Variants in CHN2 observed in about 807,000 individuals in gnomAD.
CHN2 encodes chimerin 2.
A neutral mutation model predicts 56.3 loss-of-function variants in CHN2; 35 were observed. The ratio of observed to expected loss-of-function variants is 0.62; its 90% confidence interval spans 0.47 to 0.82. CHN2 has a LOEUF of 0.82. Ranked by LOEUF, CHN2 falls within the 40% of genes least tolerant of loss-of-function variation. The pLI, the probability that CHN2 is intolerant of heterozygous loss-of-function variation, is 0.00. For synonymous variants in CHN2, 210 were observed against 212.8 expected, an observed-to-expected ratio of 0.99 and a Z score of 0.12; for missense variants, 491 against 580.5, an observed-to-expected ratio of 0.85 and a Z score of 1.58.
intron 1 of CHN2, among the ~76,000 whole-genome samples, chr7:29,330,256 C>T (rs578192826): frequency 3.9e-5 from 6 of 152,252 alleles, no homozygotes; most frequent in African/African-American, 1.4e-4. Context: ...CCTCATTCAA[C>T]ATAGTGGTTC....
In CHN2 at chr7:29,407,611, G is replaced by C. The variant is rs540405288; in HGVS notation, c.576+6783G>C. On this transcript the variant is annotated intron_variant, in intron 6 of 12. Transcript: ENST00000222792. ...AGGATTCAAGGGTAAATGAAGATGAGCATAACTTAGCTATTATAGTAGGTG... is the reference window on the plus strand; with the variant it reads ...AGGATTCAAGGGTAAATGAAGATGACCATAACTTAGCTATTATAGTAGGTG... 5.3e-4 allele frequency among the ~76,000 whole-genome samples: 81 copies of C among 152,256 alleles called. 1 individual carries two copies. The highest frequency in any genetic ancestry group is 2.8e-4 in the Non-Finnish European group (19 of 68,028).
chr7:29,263,987 C>T (rs1447421902), intron 1 of CHN2, among the ~76,000 whole-genome samples: 1 of 118,406 alleles, frequency 8.4e-6, no homozygotes, highest in African/African-American at 4.4e-5. Flanking sequence ...GCAGCCCCCG[C>T]CCAGCCAGCC....
At chr7:29,477,111 C>T (rs1187495603) in intron 6 of CHN2, among the ~76,000 whole-genome samples, 2 of 152,082 alleles carry the variant, frequency 1.3e-5, no homozygotes, top group African/African-American at 2.4e-5. Context: ...GAGAAGTTTT[C>T]GCCAAGAGAT....
In CHN2 at chr7:29,240,012, A is replaced by G. The variant is rs573466714; in HGVS notation, c.49+45022A>G. On this transcript the variant is annotated intron_variant, in intron 1 of 12. Coordinates refer to ENST00000222792, the MANE Select transcript of CHN2 (RefSeq NM_004067.4). ...ATTTTTTCAAGACCCTGTGAGCCAA[A>G]CAAAATATATCTGGGGCCAGATCCA... Among the ~76,000 whole-genome samples the G allele has an allele frequency of 9.3e-4, 142 of 152,328 alleles. 1 individual carries two copies. Among genetic ancestry groups the G allele is most frequent in the African/African-American group, 3.3e-3 (139 of 41,570 alleles).
chr7:29,273,267 T>C (rs1346695812), intron 1 of CHN2, among the ~76,000 whole-genome samples: 1 of 148,548 alleles, frequency 6.7e-6, no homozygotes, highest in Non-Finnish European at 1.5e-5. Flanking sequence ...TCTTGGTCCA[T>C]CCATGATGTG....
At chr7:29,181,402 A>G (rs1344227204) in intron 2 of CHN2, 1 of 152,254 alleles carries the variant, frequency 6.6e-6, no homozygotes, top group Non-Finnish European at 1.5e-5. Context: ...TTCAACTTAC[A>G]GCAATCAAGC....
At chr7:29,484,224 G>A (rs903821109) in intron 7 of CHN2, among the ~76,000 whole-genome samples, 11 of 152,022 alleles carry the variant, frequency 7.2e-5, no homozygotes, top group African/African-American at 1.4e-4. Context: ...TATACCCCTC[G>A]TTTGTTTAAA....
intron 1 of CHN2, among the ~76,000 whole-genome samples, chr7:29,323,070 C>T (rs1345222437): frequency 1.3e-5 from 2 of 152,134 alleles, no homozygotes; most frequent in Non-Finnish European, 2.9e-5. Context: ...AGGAGAAATG[C>T]TTGAAACTGG....
At chr7:29,149,442 C>T (rs1016879540) in intron 2 of CHN2, among the ~76,000 whole-genome samples, 6 of 152,052 alleles carry the variant, frequency 3.9e-5, no homozygotes, top group African/African-American at 1.4e-4. Context: ...TATCCACCTG[C>T]CTTGGCCTCC....
chr7:29,300,904 C>A (rs970839762), intron 1 of CHN2, among the ~76,000 whole-genome samples: 1 of 152,102 alleles, frequency 6.6e-6, no homozygotes, highest in African/African-American at 2.4e-5. Flanking sequence ...CTACATGTTA[C>A]CATGTGCAAT....
intron 7 of CHN2, 80 bp from the exon 8 acceptor site, chr7:29,495,872 A>G: frequency 8.5e-7 from 1 of 1,172,712 alleles, no homozygotes; most frequent in Non-Finnish European, 1.3e-6. Flanking sequence ...GCTCCTGCTG[A>G]TCTTCATTGA....
chr7:29,467,993 C>A (rs1275133419), intron 6 of CHN2, among the ~76,000 whole-genome samples: 2 of 152,016 alleles, frequency 1.3e-5, no homozygotes, highest in Admixed American at 6.6e-5. Context: ...AAAAGAATAT[C>A]ATGTCTTTGC....
At chr7:29,332,002 ACT>A (rs777782563) in intron 1 of CHN2, among the ~76,000 whole-genome samples, 11 of 131,128 alleles carry the variant, frequency 8.4e-5, no homozygotes, top group Non-Finnish European at 1.6e-4. Flanking sequence ...ACAGAGCGAG[ACT>A]CTGTCTCAAA....
intron 6 of CHN2, among the ~76,000 whole-genome samples, chr7:29,445,623 C>T (rs1189210891): frequency 1.3e-5 from 2 of 151,988 alleles, no homozygotes; most frequent in Non-Finnish European, 2.9e-5. Flanking sequence ...AGATGTTTAA[C>T]CCATTATTGT....
chr7:29,246,202 G>A (rs1252986575), intron 1 of CHN2, among the ~76,000 whole-genome samples: 5 of 152,168 alleles, frequency 3.3e-5, no homozygotes, highest in Non-Finnish European at 5.9e-5. Context: ...ACATCAACCT[G>A]TAGGATTTAT....
At chr7:29,240,035 C>A (rs1487230386) in intron 1 of CHN2, among the ~76,000 whole-genome samples, 2 of 152,230 alleles carry the variant, frequency 1.3e-5, no homozygotes, top group African/African-American at 4.8e-5. Context: ...GGGGCCAGAT[C>A]CAGCCCGCAG....
At chr7:29,195,418 C>A (rs561915869) in intron 1 of CHN2, 78 of 186,722 alleles carry the variant, frequency 4.2e-4, no homozygotes, top group African/African-American at 1.8e-3. Context: ...GGGGAGCAAA[C>A]CCTCGCTCCT....
chr7:29,460,312 T>G (rs1785070098), intron 6 of CHN2, among the ~76,000 whole-genome samples: 1 of 152,128 alleles, frequency 6.6e-6, no homozygotes, highest in Non-Finnish European at 1.5e-5. Context: ...CCATCACCCT[T>G]TTGTAACAGT....
At chr7:29,372,397 G>C (rs775343041) in intron 3 of CHN2, among the ~76,000 whole-genome samples, 12 of 152,082 alleles carry the variant, frequency 7.9e-5, no homozygotes, top group Non-Finnish European at 2.9e-5. Flanking sequence ...GAGCGTCTCT[G>C]TCATATTGCC....
Sources: gnomAD v4.1 joint callset for allele counts (sites outside exome capture counted in the v4.1 genomes callset) on GRCh38, gnomAD v4.1.1 for gene constraint, MANE v1.5 for transcripts, NCBI Gene and HGNC (gene_info 2026-07-23, HGNC 2026-07-21) for gene names.